The following CLSTN2 variants were observed in gnomAD, a reference collection of about 807,000 sequenced individuals.
The protein encoded by CLSTN2 is calsyntenin 2.
Under a neutral mutation model 101.2 loss-of-function variants are expected in CLSTN2, and 48 were observed. That is an observed-to-expected ratio of 0.47 (90% CI 0.38 to 0.60). The LOEUF (loss-of-function observed/expected upper bound fraction) is 0.60. Among genes scored for constraint, CLSTN2 ranks in the 20% least tolerant of loss-of-function variants. The pLI is 0.00. For missense variants in CLSTN2, 1,160 were observed against 1,238.2 expected (o/e 0.94, Z 0.95); for synonymous variants, 481 against 463.6 (o/e 1.04, Z -0.48).
At chr3:140,219,611 G>A (rs2086248742) in intron 2 of CLSTN2, among the ~76,000 whole-genome samples, 1 of 152,156 alleles carries the variant, frequency 6.6e-6, no homozygotes, top group Admixed American at 6.5e-5. Flanking sequence ...AATACAGTGG[G>A]AGGCCTCCTC....
intron 1 of CLSTN2, among the ~76,000 whole-genome samples, chr3:140,163,240 C>T (rs1382077545): frequency 6.6e-6 from 1 of 152,088 alleles, no homozygotes; most frequent in Non-Finnish European, 1.5e-5. Flanking sequence ...GAGCCTCATC[C>T]AATCAGTTGA....
intron 1 of CLSTN2, among the ~76,000 whole-genome samples, chr3:140,134,201 A>G (rs1005834099): frequency 6.6e-6 from 1 of 152,086 alleles, no homozygotes; most frequent in Non-Finnish European, 1.5e-5. Context: ...TCATTTATCA[A>G]TTTATCATAT....
intron 1 of CLSTN2, among the ~76,000 whole-genome samples, chr3:140,164,772 T>A (rs1048646945): frequency 2.0e-5 from 3 of 152,308 alleles, no homozygotes; most frequent in Non-Finnish European, 4.4e-5. Flanking sequence ...GATATTGCCA[T>A]ATAGTTCATT....
intron 1 of CLSTN2, among the ~76,000 whole-genome samples, chr3:140,131,934 C>A (rs2107804472): frequency 6.6e-6 from 1 of 152,168 alleles, no homozygotes; most frequent in Non-Finnish European, 1.5e-5. Flanking sequence ...AATGTAGACA[C>A]AAACAGTGAC....
intron 2 of CLSTN2, among the ~76,000 whole-genome samples, chr3:140,257,070 A>AAAAAAC (rs1392402542): frequency 6.6e-6 from 1 of 152,140 alleles, no homozygotes; most frequent in Non-Finnish European, 1.5e-5. Flanking sequence ...ATATTTTTTT[A>AAAAAAC]AAAAACAAAT....
At chr3:139,941,552 T>C (rs974511619) in intron 1 of CLSTN2, among the ~76,000 whole-genome samples, 1 of 152,150 alleles carries the variant, frequency 6.6e-6, no homozygotes, top group Non-Finnish European at 1.5e-5. Context: ...TGGTGACTTA[T>C]GGGAAAATCA....
At chr3:140,518,663 C>T (rs1934968677) in intron 8 of CLSTN2, among the ~76,000 whole-genome samples, 1 of 152,174 alleles carries the variant, frequency 6.6e-6, no homozygotes, top group Non-Finnish European at 1.5e-5. Flanking sequence ...TTTCAGCTGT[C>T]TCCAGGGGCC....
chr3:140,096,829 A>G (rs116423765), intron 1 of CLSTN2, among the ~76,000 whole-genome samples: 4 of 152,318 alleles, frequency 2.6e-5, no homozygotes, highest in African/African-American at 9.6e-5. Flanking sequence ...AGATAAAAAG[A>G]AGGAGTTCAT....
At chr3:140,403,573 G>A (rs1265577483) in intron 2 of CLSTN2, 56 bp from the exon 3 acceptor site, 11 of 1,430,622 alleles carry the variant, frequency 7.7e-6, no homozygotes, top group Admixed American at 5.7e-5. Context: ...TGGAAGCACT[G>A]TCTTCAGTCT....
chr3:140,471,295 A>G (rs1192841822), intron 8 of CLSTN2, among the ~76,000 whole-genome samples: 1 of 152,126 alleles, frequency 6.6e-6, no homozygotes. Context: ...CAGTGTCACA[A>G]TCTAATAATC....
chr3:139,937,610 G>C (rs1019483707), intron 1 of CLSTN2, among the ~76,000 whole-genome samples: 2 of 151,180 alleles, frequency 1.3e-5, no homozygotes, highest in African/African-American at 2.4e-5. Context: ...TGGGTGTGGT[G>C]ACACGCACCT....
intron 2 of CLSTN2, among the ~76,000 whole-genome samples, chr3:140,317,441 G>A (rs1314740779): frequency 6.6e-6 from 1 of 150,820 alleles, no homozygotes; most frequent in Non-Finnish European, 1.5e-5. Context: ...TTCTGAGAGT[G>A]TCCCTCCCTT....
chr3:140,392,165 A>G (rs565414014), intron 2 of CLSTN2, among the ~76,000 whole-genome samples: 77 of 151,330 alleles, frequency 5.1e-4, no homozygotes, highest in African/African-American at 1.9e-3. Flanking sequence ...CAACAGAAAC[A>G]TTACTCAAAT....
At chr3:140,017,413 G>T (rs2007223167) in intron 1 of CLSTN2, among the ~76,000 whole-genome samples, 1 of 152,138 alleles carries the variant, frequency 6.6e-6, no homozygotes, top group African/African-American at 2.4e-5. Flanking sequence ...AGAGAGGGAA[G>T]CCTGGAAAAG....
intron 1 of CLSTN2, among the ~76,000 whole-genome samples, chr3:140,119,459 G>A (rs978766458): frequency 2.8e-4 from 42 of 152,298 alleles, no homozygotes; most frequent in African/African-American, 8.4e-4. Context: ...AGTGTAAGCC[G>A]TTAATTATAT....
At chr3:140,184,347 TG>T (rs1027396219) in intron 2 of CLSTN2, among the ~76,000 whole-genome samples, 2 of 152,168 alleles carry the variant, frequency 1.3e-5, no homozygotes, top group African/African-American at 4.8e-5. Context: ...TCTGCCTGGA[TG>T]GGGAGGCCTC....
intron 1 of CLSTN2, among the ~76,000 whole-genome samples, chr3:140,008,543 T>G (rs1378735191): frequency 1.3e-5 from 2 of 152,204 alleles, no homozygotes; most frequent in Admixed American, 1.3e-4. Context: ...GTTCTTGCAA[T>G]GTGTGGGGGT....
chr3:139,999,577 G>T lies in CLSTN2; in HGVS notation c.109+64094G>T, dbSNP rs140856454. Among the ~76,000 whole-genome samples, 6 of 152,206 alleles carry T rather than the reference G, an allele frequency of 3.9e-5. No homozygotes were observed. In the East Asian group the frequency reaches 1.2e-3, roughly 29 times the overall value. On this transcript the variant is annotated intron_variant, in intron 1 of 16. Transcript: ENST00000458420. ...GGTCAGAGAGGGGCAGCTCTTCTGA[G>T]GGCCTCAGAGGGATCTCAGGTTTTC...
At chr3:140,051,983 C>G (rs994039333) in intron 1 of CLSTN2, among the ~76,000 whole-genome samples, 1 of 152,110 alleles carries the variant, frequency 6.6e-6, no homozygotes, top group African/African-American at 2.4e-5. Context: ...TCTGGGAACC[C>G]CACTTTGAGA....
Sources: gnomAD v4.1 joint callset for allele counts (sites outside exome capture counted in the v4.1 genomes callset) on GRCh38, gnomAD v4.1.1 for gene constraint, MANE v1.5 for transcripts, NCBI Gene and HGNC (gene_info 2026-07-23, HGNC 2026-07-21) for gene names.